The following FYB2 variants were observed in gnomAD, a reference collection of about 807,000 sequenced individuals.
FYB2 encodes FYN-binding protein 2.
FYB2 carries 103 observed loss-of-function variants against 94.1 expected under a neutral mutation model. The ratio of observed to expected loss-of-function variants is 1.09; its 90% CI spans 0.93 to 1.29. The LOEUF (loss-of-function observed/expected upper bound fraction) is 1.29. FYB2 is among the 50% of genes most tolerant of loss of function. FYB2 has a pLI of 0.00. For missense variants in FYB2, 896 were observed against 841.5 expected, an observed-to-expected ratio of 1.06 and a Z score of -0.80; for synonymous variants, 293 against 287.9, an observed-to-expected ratio of 1.02 and a Z score of -0.18.
At chr1:56,784,710 C>T (rs1174130242) in intron 4 of FYB2, among the ~76,000 whole-genome samples, 1 of 152,138 alleles carries the variant, frequency 6.6e-6, no homozygotes, top group African/African-American at 2.4e-5. Flanking sequence ...TGCTTTCAAA[C>T]ATGTTCTATC....
At chr1:56,738,491 C>T in intron 14 of FYB2, 134 bp downstream of exon 14, 1 of 894,874 alleles carries the variant, frequency 1.1e-6, no homozygotes, top group Non-Finnish European at 1.7e-6. Context: ...CCGTGTGAAA[C>T]ATCTTCTTTG....
chr1:56,725,458 A>C (rs550254232), intron 16 of FYB2, among the ~76,000 whole-genome samples: 160 of 152,176 alleles, frequency 1.1e-3, no homozygotes, highest in African/African-American at 3.7e-3. Context: ...GTTGTAAAAA[A>C]ATAAAAAGGC....
chr1:56,775,779 T>C (rs1205272017), intron 4 of FYB2, among the ~76,000 whole-genome samples: 1 of 152,118 alleles, frequency 6.6e-6, no homozygotes, highest in Non-Finnish European at 1.5e-5. Flanking sequence ...CATCAGAGTA[T>C]ACAGCAAGGA....
chr1:56,768,857 TGAA>T (rs901854332), intron 4 of FYB2, among the ~76,000 whole-genome samples: 2 of 151,712 alleles, frequency 1.3e-5, no homozygotes, highest in Non-Finnish European at 2.9e-5. Context: ...AGAAATAAAG[TGAA>T]GAATAAAAGC....
chr1:56,736,213 A>G (rs1356860298), intron 15 of FYB2, among the ~76,000 whole-genome samples: 1 of 152,112 alleles, frequency 6.6e-6, no homozygotes, highest in Non-Finnish European at 1.5e-5. Context: ...AAGACAAATA[A>G]AGGCTTAAAA....
At chr1:56,745,499 T>C (rs1645047828) in intron 9 of FYB2, among the ~76,000 whole-genome samples, 1 of 151,962 alleles carries the variant, frequency 6.6e-6, no homozygotes, top group Non-Finnish European at 1.5e-5. Context: ...TTCTCTCTCA[T>C]TTCTCACTTC....
chr1:56,801,225 T>C (rs1315261723), intron 1 of FYB2, among the ~76,000 whole-genome samples: 1 of 152,138 alleles, frequency 6.6e-6, no homozygotes, highest in Non-Finnish European at 1.5e-5. Context: ...CAAGCATGGC[T>C]TTCTTCTTCC....
chr1:56,800,934 C>G (rs6688562), intron 1 of FYB2, among the ~76,000 whole-genome samples: 29,423 of 152,124 alleles, frequency 0.19, 3,612 homozygotes, highest in Non-Finnish European at 0.27. Context: ...TAGCCGATGA[C>G]TTGTCTTCCC....
In FYB2 at chr1:56,726,559, C is replaced by T. The variant is rs1310378305; in HGVS notation, c.1818G>A (p.Trp606Ter). 1.2e-6 allele frequency: 2 copies of T among 1,611,646 alleles called. No individual in the cohort carries two copies. Among genetic ancestry groups the T allele is most frequent in the South Asian group, 1.1e-5 (1 of 90,886 alleles). The change falls in exon 16 of 20, where the codon TGG (tryptophan) becomes TGA (stop). Residue 606 changes from tryptophan (W) to a stop codon, truncating the protein, a stop_gained. Transcript: ENST00000343433. LOFTEE classifies it high-confidence loss of function. Reference protein sequence around the residue: ...ESKDEDKLKMWKPKFLTPKEK... With the variant: ...ESKDEDKLKM ...CCTTTGGTGTCAGAAACTTGGGCTT[C>T]CACATTTTCAGTTTATCTTCATCTC...
At chr1:56,772,162 A>G (rs1387519401) in intron 4 of FYB2, among the ~76,000 whole-genome samples, 2 of 152,154 alleles carry the variant, frequency 1.3e-5, no homozygotes, top group Non-Finnish European at 2.9e-5. Flanking sequence ...TGGCCTAACA[A>G]TCTCATTTGG....
intron 4 of FYB2, among the ~76,000 whole-genome samples, chr1:56,786,370 C>T (rs576052645): frequency 6.7e-4 from 102 of 152,334 alleles, no homozygotes; most frequent in African/African-American, 2.4e-3. Flanking sequence ...TAACAACTTC[C>T]TCCTTAGTGC....
At chr1:56,789,226 C>T (rs979807544) in intron 2 of FYB2, 92 bp from the exon 3 acceptor site, 18 of 1,384,414 alleles carry the variant, frequency 1.3e-5, no homozygotes, top group African/African-American at 5.8e-5. Flanking sequence ...ATCTAAGTCC[C>T]GTCCAATCTA....
intron 1 of FYB2, among the ~76,000 whole-genome samples, chr1:56,813,759 T>G (rs927167501): frequency 6.6e-6 from 1 of 152,190 alleles, no homozygotes; most frequent in Non-Finnish European, 1.5e-5. Context: ...TGTTCTAAGC[T>G]CTTTAAACAT....
At chr1:56,810,081 G>A (rs932298779) in intron 1 of FYB2, among the ~76,000 whole-genome samples, 1 of 152,154 alleles carries the variant, frequency 6.6e-6, no homozygotes, top group African/African-American at 2.4e-5. Flanking sequence ...GGGAAAGAAG[G>A]AAGAAGAGGA....
At chr1:56,794,829 C>A (rs1646357601) in intron 1 of FYB2, among the ~76,000 whole-genome samples, 1 of 152,108 alleles carries the variant, frequency 6.6e-6, no homozygotes, top group Non-Finnish European at 1.5e-5. Flanking sequence ...CACTTACGTG[C>A]CTTGGGCAAT....
rs182843717 is a variant in FYB2 at position 56,758,756 on chromosome 1, G to C, written c.1064-6C>G. 7 of 1,592,636 alleles carry C rather than the reference G, an allele frequency of 4.4e-6. No individual in the cohort carries two copies. In the South Asian group the frequency reaches 8.0e-5, roughly 18 times the overall value. On this transcript the variant is annotated splice_region_variant and splice_polypyrimidine_tract_variant and intron_variant, in intron 5 of 19. Transcript: ENST00000343433. ...AATTCCAACTTCATAAGTTGCTAAAGTAAACATAAAAAAATTATTTCAAGG... is the reference window on the plus strand; with the variant it reads ...AATTCCAACTTCATAAGTTGCTAAACTAAACATAAAAAAATTATTTCAAGG...
At chr1:56,752,891 C>G (rs755876325) in intron 8 of FYB2, among the ~76,000 whole-genome samples, 1 of 152,124 alleles carries the variant, frequency 6.6e-6, no homozygotes, top group Non-Finnish European at 1.5e-5. Context: ...TGCTCCTAAT[C>G]AAACCATTCC....
intron 6 of FYB2, among the ~76,000 whole-genome samples, chr1:56,756,539 G>A (rs1339278841): frequency 6.6e-6 from 1 of 152,024 alleles, no homozygotes; most frequent in African/African-American, 2.4e-5. Flanking sequence ...CAAAATCCAG[G>A]TATCATAGCT....
intron 12 of FYB2, among the ~76,000 whole-genome samples, 173 bp from the exon 13 acceptor site, chr1:56,740,968 C>T (rs571357664): frequency 7.2e-5 from 11 of 151,944 alleles, no homozygotes; most frequent in African/African-American, 2.4e-4. Flanking sequence ...CTCCAAAAAG[C>T]GGGAGGGTGG....
Sources: gnomAD v4.1 joint callset for allele counts (sites outside exome capture counted in the v4.1 genomes callset) on GRCh38, gnomAD v4.1.1 for gene constraint, MANE v1.5 for transcripts, NCBI Gene and HGNC (gene_info 2026-07-23, HGNC 2026-07-21) for gene names.